Variants in GALNTL5 observed in about 807,000 individuals in gnomAD.
GALNTL5 encodes inactive polypeptide N-acetylgalactosaminyltransferase-like protein 5.
A neutral mutation model predicts 51.0 loss-of-function variants in GALNTL5; 44 were observed. The ratio of observed to expected loss-of-function variants is 0.86; its 90% confidence interval spans 0.68 to 1.11. The LOEUF is 1.11. Ranked by LOEUF, GALNTL5 falls within the 50% of genes least tolerant of loss-of-function variation. The pLI, the probability that GALNTL5 is intolerant of heterozygous loss-of-function variation, is 0.00. For missense variants in GALNTL5, 528 were observed against 531.8 expected, an observed-to-expected ratio of 0.99 and a Z score of 0.07; for synonymous variants, 192 against 182.8, an observed-to-expected ratio of 1.05 and a Z score of -0.41.
chr7:151,967,787 C>T (rs1320782583), intron 2 of GALNTL5, among the ~76,000 whole-genome samples: 1 of 152,152 alleles, frequency 6.6e-6, no homozygotes, highest in Non-Finnish European at 1.5e-5. Context: ...TCCCTCCCGT[C>T]CCCACGCCAC....
intron 5 of GALNTL5, among the ~76,000 whole-genome samples, chr7:151,994,201 A>G (rs1400719799): frequency 6.6e-6 from 1 of 152,200 alleles, no homozygotes; most frequent in Non-Finnish European, 1.5e-5. Context: ...CTGAGTCACA[A>G]GTATGGGATC....
intron 5 of GALNTL5, among the ~76,000 whole-genome samples, chr7:151,995,896 G>A (rs1220068368): frequency 7.9e-5 from 12 of 152,206 alleles, no homozygotes; most frequent in East Asian, 5.8e-4. Flanking sequence ...CTAAGCTCCC[G>A]AAAGATTAGA....
chr7:151,961,006 T>C (rs1294402762), intron 1 of GALNTL5, among the ~76,000 whole-genome samples: 1 of 152,220 alleles, frequency 6.6e-6, no homozygotes, highest in African/African-American at 2.4e-5. Context: ...TGCAAGCCAG[T>C]TCCTGGGACA....
intron 5 of GALNTL5, among the ~76,000 whole-genome samples, chr7:151,991,089 GTTGTTGTTGT>G (rs141381555): frequency 0.066 from 10,029 of 151,834 alleles, 1,027 homozygotes; most frequent in African/African-American, 0.22. Context: ...TCTTTTTGTT[GTTGTTGTTGT>G]TTGTTGTTGT....
In GALNTL5 at chr7:151,971,060, T is replaced by C; in HGVS notation, c.363T>C (p.Ser121=). 6.2e-7 allele frequency: 1 copy of C among 1,607,950 alleles called. No individual in the cohort carries two copies. Among genetic ancestry groups the C allele is most frequent in the Non-Finnish European group, 8.5e-7 (1 of 1,175,344 alleles). The change falls in exon 3 of 9, where the codon AGT becomes AGC. Residue 121 remains serine, a synonymous_variant. Coordinates refer to ENST00000392800, the MANE Select transcript of GALNTL5 (RefSeq NM_145292.4). ...GIEREVPDTR[S]KMCLQKHYPA... is the part of the protein sequence containing the mutation. ...AAAGAGAAGTGCCAGATACCAGGAG[T>C]AAAATGTATGTTGTCTCTCTCTTTC...
intron 7 of GALNTL5, among the ~76,000 whole-genome samples, chr7:152,010,503 C>A (rs186445046): frequency 7.2e-4 from 110 of 152,220 alleles, no homozygotes; most frequent in Middle Eastern, 3.4e-3. Flanking sequence ...TGCGGCAGCT[C>A]ACACCTATAA....
At chr7:151,974,120 G>GCATGATGCCCTCAAGGTTCATCTAT (rs1563006060) in intron 3 of GALNTL5, among the ~76,000 whole-genome samples, 6 of 50,274 alleles carry the variant, frequency 1.2e-4, no homozygotes, top group African/African-American at 4.1e-4. Flanking sequence ...CCCAGTCTCA[G>GCATGATGCCCTCAAGGTTCATCTAT]GTGGTATCCT....
intron 5 of GALNTL5, 115 bp from the exon 6 acceptor site, chr7:152,002,599 A>G (rs1563021482): frequency 1.8e-6 from 2 of 1,090,798 alleles, no homozygotes; most frequent in Non-Finnish European, 2.6e-6. Flanking sequence ...AAAGCACTGT[A>G]AGAGCCAAAC....
At chr7:151,991,615 T>A (rs2081429976) in intron 5 of GALNTL5, among the ~76,000 whole-genome samples, 2 of 152,220 alleles carry the variant, frequency 1.3e-5, no homozygotes, top group Admixed American at 1.3e-4. Context: ...GTCTATGTAT[T>A]CCTGGGTCTA....
rs1288513280 is a variant in GALNTL5 at position 151,987,230 on chromosome 7, AAG to A, written c.614_615del (p.Glu205GlyfsTer26). 2 of 1,601,140 alleles carry A rather than the reference AAG, an allele frequency of 1.2e-6. No homozygotes were observed. The highest frequency in any genetic ancestry group is 1.7e-6 in the Non-Finnish European group (2 of 1,176,068). On this transcript the variant is annotated frameshift_variant, in exon 5 of 9. Transcript: ENST00000392800. LOFTEE classifies it high-confidence loss of function. ...RGKVKIIRNK[K>X]REGLIRARLI... is the part of the protein sequence containing the mutation. The stretch of plus-strand genomic sequence containing the variant: ...AAAGGTTAAAATAATAAGAAACAAA[AAG>A]AGAGAGGGGCTGATTCGAGCAAGGC...
intron 6 of GALNTL5, among the ~76,000 whole-genome samples, chr7:152,005,226 C>T (rs1433172450): frequency 3.5e-5 from 2 of 57,404 alleles, no homozygotes; most frequent in Admixed American, 1.3e-4. Context: ...GAAAACTTAA[C>T]ACACACACAC....
chr7:152,006,641 T>C (rs28753892), intron 6 of GALNTL5, among the ~76,000 whole-genome samples: 3,663 of 152,300 alleles, frequency 0.024, 148 homozygotes, highest in African/African-American at 0.084. Context: ...GCCCCTCTAA[T>C]TGGCTTCCCT....
At chr7:152,002,500 T>C (rs1261899450) in intron 5 of GALNTL5, among the ~76,000 whole-genome samples, 1 of 152,176 alleles carries the variant, frequency 6.6e-6, no homozygotes, top group Non-Finnish European at 1.5e-5. Context: ...TAACCCACAA[T>C]TACTGGCTTC....
chr7:152,001,721 C>T (rs1186796175), intron 5 of GALNTL5, among the ~76,000 whole-genome samples: 3 of 152,136 alleles, frequency 2.0e-5, no homozygotes, highest in South Asian at 2.1e-4. Context: ...AGGTCCATTG[C>T]CTTTTCATAT....
chr7:151,983,086 G>A lies in GALNTL5; in HGVS notation c.469G>A (p.Val157Ile), dbSNP rs772240728. The change falls in exon 4 of 9, where the codon GTC (valine) becomes ATC (isoleucine). Residue 157 changes from valine (V) to isoleucine (I), a missense_variant. Val to Ile is a conservative substitution (Grantham distance 29). Transcript: ENST00000392800. Reference sequence around the variant, plus strand: ...TGCCTTGTTTCAGACCATGTCCAGTGTCACGAACCTCACGCCACACTATTT... The same window carrying A: ...TGCCTTGTTTCAGACCATGTCCAGTATCACGAACCTCACGCCACACTATTT... ...CNALFQTMSSVTNLTPHYFLE... is the reference protein window; with the variant it reads ...CNALFQTMSSITNLTPHYFLE... The A allele has an allele frequency of 8.1e-6, 13 of 1,614,202 alleles. No homozygotes were observed. Among genetic ancestry groups the A allele is most frequent in the Non-Finnish European group, 1.1e-5 (13 of 1,180,024 alleles).
In GALNTL5 at chr7:152,014,908, T is replaced by TAGA; in HGVS notation, c.1176+116_1176+117insGAA. ...GCGTTTGTTCTGGAGGTCATTATCCTAAGCAAATTAACACAGGAACGGAAA... is the reference window on the plus strand; with the variant it reads ...GCGTTTGTTCTGGAGGTCATTATCCTAGAAAGCAAATTAACACAGGAACGGAAA... On this transcript the variant is annotated intron_variant, in intron 8 of 8. Transcript: ENST00000392800. The TAGA allele has an allele frequency of 8.6e-6, 8 of 925,102 alleles. No homozygotes were observed. The East Asian group carries it at 2.1e-4, about 24-fold the overall frequency. 57.3% of individuals were successfully genotyped at this position (925,102 alleles called of 1,614,324 possible).
chr7:152,004,770 CA>C (rs1344537862), intron 6 of GALNTL5, among the ~76,000 whole-genome samples: 25 of 152,298 alleles, frequency 1.6e-4, no homozygotes, highest in Middle Eastern at 3.4e-3. Flanking sequence ...ATGTTGCAGC[CA>C]AAGACATCAT....
At chr7:152,000,455 C>T (rs1010764789) in intron 5 of GALNTL5, among the ~76,000 whole-genome samples, 1 of 152,220 alleles carries the variant, frequency 6.6e-6, no homozygotes, top group Non-Finnish European at 1.5e-5. Context: ...CCTCAGAGAA[C>T]TCAGCCCAGA....
intron 6 of GALNTL5, among the ~76,000 whole-genome samples, chr7:152,003,585 T>A (rs1357093172): frequency 6.6e-6 from 1 of 152,332 alleles, no homozygotes; most frequent in East Asian, 1.9e-4. Context: ...ACAGAGGAAG[T>A]GATCTGATCA....
Sources: gnomAD v4.1 joint callset for allele counts (sites outside exome capture counted in the v4.1 genomes callset) on GRCh38, gnomAD v4.1.1 for gene constraint, MANE v1.5 for transcripts, NCBI Gene and HGNC (gene_info 2026-07-23, HGNC 2026-07-21) for gene names.